Variants in WDR43 observed in about 807,000 individuals in gnomAD.
WDR43 encodes WD repeat domain 43.
In WDR43, 13 loss-of-function variants were observed where a neutral mutation model predicts 91.4. That is an observed-to-expected ratio of 0.14 (90% CI 0.09 to 0.23). The LOEUF is 0.23. Among genes scored for constraint, WDR43 ranks in the 10% least tolerant of loss-of-function variants. The pLI is 1.00. For synonymous variants in WDR43, 331 were observed against 287.9 expected (o/e 1.15, Z -1.51); for missense variants, 780 against 809.4 (o/e 0.96, Z 0.44).
intron 11 of WDR43, among the ~76,000 whole-genome samples, chr2:28,934,171 C>G (rs964927510): frequency 2.0e-5 from 3 of 152,096 alleles, no homozygotes; most frequent in African/African-American, 7.2e-5. Flanking sequence ...CAAACTAAGG[C>G]TGTGAGAAAG....
At chr2:28,918,182 A>G (rs1178395475) in intron 6 of WDR43, among the ~76,000 whole-genome samples, 187 bp downstream of exon 6, 2 of 152,148 alleles carry the variant, frequency 1.3e-5, no homozygotes, top group Non-Finnish European at 2.9e-5. Flanking sequence ...GGGGAAGGGA[A>G]AAGTTTGTAC....
rs752269798 is a variant in WDR43 at position 28,917,884 on chromosome 2, G to C, written c.747-9G>C. 1.3e-6 allele frequency: 2 copies of C among 1,562,370 alleles called. No homozygotes were observed. Among genetic ancestry groups the C allele is most frequent in the African/African-American group, 2.7e-5 (2 of 73,644 alleles). The stretch of plus-strand genomic sequence containing the variant: ...TCTTGCTATCTAACTTGCTGGTTTT[G>C]TTATCTAGGCAGGTCCGATCAGAAA... On this transcript the variant is annotated splice_polypyrimidine_tract_variant and intron_variant, in intron 5 of 17. Transcript: ENST00000407426.
At chr2:28,913,819 C>T (rs12472068) in intron 4 of WDR43, 193,556 of 670,816 alleles carry the variant, frequency 0.29, 35,279 homozygotes, top group East Asian at 0.77. Context: ...AACAAAGGTG[C>T]GGAGTGGTAG....
intron 3 of WDR43, among the ~76,000 whole-genome samples, chr2:28,909,989 C>G (rs1040362655): frequency 4.8e-5 from 7 of 145,962 alleles, no homozygotes; most frequent in African/African-American, 1.8e-4. Context: ...TATCATTCCA[C>G]TGGAACCAGT....
chr2:28,942,425 C>G (rs1483911053), intron 16 of WDR43, 44 bp downstream of exon 16: 1 of 1,577,116 alleles, frequency 6.3e-7, no homozygotes, highest in Non-Finnish European at 8.7e-7. Context: ...TTATAACATT[C>G]AGTTTTCAGT....
intron 16 of WDR43, among the ~76,000 whole-genome samples, chr2:28,944,237 CA>C (rs1485553746): frequency 1.3e-5 from 2 of 151,950 alleles, no homozygotes; most frequent in African/African-American, 2.4e-5. Context: ...TTCCATTTTT[CA>C]ATTTTAGTGT....
At chr2:28,932,984 T>C (rs1671276360) in intron 11 of WDR43, among the ~76,000 whole-genome samples, 1 of 152,222 alleles carries the variant, frequency 6.6e-6, no homozygotes, top group Non-Finnish European at 1.5e-5. Context: ...GAGAAGTTAA[T>C]GAAGACCTAA....
intron 2 of WDR43, among the ~76,000 whole-genome samples, chr2:28,903,273 A>G (rs1670612019): frequency 1.3e-5 from 2 of 152,204 alleles, no homozygotes; most frequent in South Asian, 4.1e-4. Context: ...TTGTTGTAAA[A>G]CAATTTCTTT....
In WDR43 at chr2:28,939,963, C is replaced by T. The variant is rs568137430; in HGVS notation, c.1621-1498C>T. On this transcript the variant is annotated intron_variant, in intron 14 of 17. Transcript: ENST00000407426. ...TCTACTAAAAATACAAAAAATTAGC[C>T]GAGCGTGATGGCAGGTGCCTGTAGT... Among the ~76,000 whole-genome samples, 10 of 151,816 alleles carry T rather than the reference C, an allele frequency of 6.6e-5. 1 individual carries two copies. The highest frequency in any genetic ancestry group is 2.1e-4 in the South Asian group (1 of 4,792).
At chr2:28,904,299 A>G (rs1037156571) in intron 2 of WDR43, among the ~76,000 whole-genome samples, 3 of 152,144 alleles carry the variant, frequency 2.0e-5, no homozygotes, top group Admixed American at 6.5e-5. Context: ...TCATGTGTGA[A>G]TAATTTAACT....
chr2:28,922,797 G>GGT (rs1553327945), intron 6 of WDR43, 122 bp from the exon 7 acceptor site: 1 of 224,594 alleles, frequency 4.5e-6, no homozygotes, highest in East Asian at 7.7e-5. Flanking sequence ...TTCTTGCTGT[G>GGT]TTTTTTTTTT....
At chr2:28,907,723 G>A (rs1670709485) in intron 3 of WDR43, among the ~76,000 whole-genome samples, 2 of 152,212 alleles carry the variant, frequency 1.3e-5, no homozygotes. Context: ...GGCTAACATG[G>A]GGTACCATCT....
intron 13 of WDR43, 91 bp downstream of exon 13, chr2:28,937,044 T>C: frequency 1.5e-6 from 2 of 1,291,310 alleles, no homozygotes; most frequent in Non-Finnish European, 2.1e-6. Flanking sequence ...ATAAAACTCT[T>C]TCAGTGTCAA....
At chr2:28,937,670 C>T (rs58905939) in intron 13 of WDR43, among the ~76,000 whole-genome samples, 57,556 of 151,940 alleles carry the variant, frequency 0.38, 11,497 homozygotes, top group Middle Eastern at 0.5. Flanking sequence ...ACGGGTTTTG[C>T]TCTTGAACTG....
Position 28,929,565 on chromosome 2 carries a change from T to G in WDR43, c.1306-14T>G, listed in dbSNP as rs1237303596. 1.3e-6 allele frequency: 2 copies of G among 1,592,680 alleles called. No homozygotes were observed. The highest frequency in any genetic ancestry group is 1.7e-6 in the Non-Finnish European group (2 of 1,169,890). ...TTGTCTGGTAACACATTAACAATCC[T>G]TTCTGTTCTGTAGGTTAGCATTGAA... On this transcript the variant is annotated splice_polypyrimidine_tract_variant and intron_variant, in intron 10 of 17. Transcript: ENST00000407426.
chr2:28,917,821 C>T, intron 5 of WDR43, 72 bp from the exon 6 acceptor site: 1 of 1,344,902 alleles, frequency 7.4e-7, no homozygotes, highest in Non-Finnish European at 1.0e-6. Flanking sequence ...TCCATGCCTC[C>T]TTAGGTGTTT....
chr2:28,916,201 A>G (rs1670907307), intron 5 of WDR43, among the ~76,000 whole-genome samples: 1 of 152,192 alleles, frequency 6.6e-6, no homozygotes, highest in Non-Finnish European at 1.5e-5. Flanking sequence ...TTACAAATAC[A>G]ATTGCTATGG....
chr2:28,937,050 G>A, intron 13 of WDR43, 97 bp downstream of exon 13: 1 of 1,209,342 alleles, frequency 8.3e-7, no homozygotes, highest in Non-Finnish European at 1.2e-6. Context: ...CTCTTTCAGT[G>A]TCAAATATTA....
chr2:28,897,424 C>G (rs1265670113), intron 1 of WDR43, among the ~76,000 whole-genome samples: 1 of 152,060 alleles, frequency 6.6e-6, no homozygotes, highest in Non-Finnish European at 1.5e-5. Flanking sequence ...TGTTAAGGTC[C>G]TGCTATATGA....
Sources: gnomAD v4.1 joint callset for allele counts (sites outside exome capture counted in the v4.1 genomes callset) on GRCh38, gnomAD v4.1.1 for gene constraint, MANE v1.5 for transcripts, NCBI Gene and HGNC (gene_info 2026-07-23, HGNC 2026-07-21) for gene names.